Variants in CORO2A observed in about 807,000 individuals in gnomAD.
CORO2A encodes the protein coronin 2A.
CORO2A carries 47 observed loss-of-function variants against 62.4 expected under a neutral mutation model. The ratio of observed to expected loss-of-function variants is 0.75; its 90% CI spans 0.60 to 0.96. The LOEUF is 0.96. Ranked by LOEUF, CORO2A falls within the 40% of genes least tolerant of loss-of-function variation. CORO2A has a pLI of 0.00. For missense variants in CORO2A, 610 were observed against 684.1 expected (o/e 0.89, Z 1.21); for synonymous variants, 273 against 268.9 (o/e 1.02, Z -0.15).
intron 10 of CORO2A, 78 bp downstream of exon 10, chr9:98,128,092 C>G: frequency 8.5e-7 from 1 of 1,176,466 alleles, no homozygotes; most frequent in Non-Finnish European, 1.2e-6. Flanking sequence ...CAGGCCCAAC[C>G]CCTCTCAATT....
intron 2 of CORO2A, among the ~76,000 whole-genome samples, chr9:98,150,180 C>T (rs571472200): frequency 6.6e-6 from 1 of 152,220 alleles, no homozygotes; most frequent in East Asian, 1.9e-4. Context: ...ATCTGCCTGC[C>T]TCGGCTTCCC....
chr9:98,190,952 G>GC (rs1225543762), intron 1 of CORO2A, among the ~76,000 whole-genome samples: 1 of 152,234 alleles, frequency 6.6e-6, no homozygotes, highest in Non-Finnish European at 1.5e-5. Flanking sequence ...CACTACTTCA[G>GC]CCCTAGAATT....
In CORO2A at chr9:98,185,672, G is replaced by A. The variant is rs554957230; in HGVS notation, c.-1+6887C>T. Among the ~76,000 whole-genome samples the A allele has an allele frequency of 2.7e-4, 41 of 152,370 alleles. No homozygotes were observed. In the South Asian group the frequency reaches 4.1e-3, roughly 15 times the overall value. On this transcript the variant is annotated intron_variant, in intron 1 of 11. Coordinates refer to ENST00000375077, the MANE Select transcript of CORO2A (RefSeq NM_052820.4). ...GGGCCAACACCGTGGTGCAGCCTTA[G>A]GAACAGCCACAGGAGTTGCCCAGTT...
At chr9:98,161,114 C>T (rs1014330563) in intron 1 of CORO2A, among the ~76,000 whole-genome samples, 5 of 152,170 alleles carry the variant, frequency 3.3e-5, no homozygotes, top group African/African-American at 1.2e-4. Flanking sequence ...AGCGACCCAT[C>T]CTGATTCATA....
chr9:98,157,769 CAG>C (rs1827826990), intron 1 of CORO2A, 109 bp from the exon 2 acceptor site: 1 of 1,007,026 alleles, frequency 9.9e-7, no homozygotes, highest in African/African-American at 1.6e-5. Context: ...GGACAGTGGT[CAG>C]TTCAACGTGG....
chr9:98,130,204 C>T (rs1827385056), intron 7 of CORO2A, among the ~76,000 whole-genome samples: 1 of 152,186 alleles, frequency 6.6e-6, no homozygotes, highest in African/African-American at 2.4e-5. Context: ...CCTCAGCCTC[C>T]CGAGTAGGTG....
chr9:98,132,428 C>T (rs1827421886), intron 5 of CORO2A, 127 bp from the exon 6 acceptor site: 2 of 689,956 alleles, frequency 2.9e-6, no homozygotes, highest in Non-Finnish European at 5.1e-6. Flanking sequence ...CACCCCAGCT[C>T]TGCCTGGAGA....
chr9:98,149,548 T>C (rs1347537930), intron 2 of CORO2A, among the ~76,000 whole-genome samples: 1 of 152,200 alleles, frequency 6.6e-6, no homozygotes, highest in East Asian at 1.9e-4. Flanking sequence ...GCAGGGGAGC[T>C]TCCAATCATG....
intron 2 of CORO2A, 138 bp downstream of exon 2, chr9:98,157,322 A>C: frequency 1.3e-6 from 1 of 769,970 alleles, no homozygotes; most frequent in East Asian, 2.7e-5. Flanking sequence ...CAAGGCTCAA[A>C]GAGATGAAAT....
intron 2 of CORO2A, among the ~76,000 whole-genome samples, chr9:98,149,684 C>T (rs1827696835): frequency 6.6e-6 from 1 of 152,122 alleles, no homozygotes; most frequent in South Asian, 2.1e-4. Context: ...ATGAGCTGCC[C>T]CCATGACCCA....
intron 2 of CORO2A, 147 bp downstream of exon 2, chr9:98,157,313 A>T (rs1361067445): frequency 1.4e-6 from 1 of 736,642 alleles, no homozygotes; most frequent in East Asian, 2.8e-5. Flanking sequence ...TGAGGAAACC[A>T]AGGCTCAAAG....
chr9:98,140,768 C>T (rs1311741865), intron 2 of CORO2A, among the ~76,000 whole-genome samples: 1 of 152,108 alleles, frequency 6.6e-6, no homozygotes, highest in Non-Finnish European at 1.5e-5. Context: ...AGTAGCTCTG[C>T]AAACAGAGGA....
rs2231659 is a variant in CORO2A, at chr9:98,137,647, G to A, written c.243C>T (p.His81=). Residue 81 remains histidine (H), a synonymous_variant, in exon 3 of 12, where the codon CAC becomes CAT. Transcript: ENST00000375077. ...LDPHYPKVCG[H]RGNVLDVKWN... ...ACTTGACATCCAAAACGTTGCCTCT[G>A]TGCCCGCAGACTTTTGGGTAGTGGG... The A allele has an allele frequency of 8.1e-4, 1,311 of 1,614,248 alleles. 20 individuals are homozygous for A. In the East Asian group the frequency reaches 0.028, roughly 34 times the overall value.
Position 98,137,437 on chromosome 9 carries a change from A to C in CORO2A, c.318+135T>G, listed in dbSNP as rs367853436. 3 of 733,286 alleles carry C rather than the reference A, an allele frequency of 4.1e-6. No individual in the cohort carries two copies. In the East Asian group the frequency reaches 7.4e-5, roughly 18 times the overall value. The allele number at this position is 733,286 out of a possible 1,614,324, so 45.4% of individuals were successfully genotyped here. ...AATGTCTCCTCCTCTACCTTAACTTAACACCTCCCCACACAGTGACCTCAC... is the reference window on the plus strand; with the variant it reads ...AATGTCTCCTCCTCTACCTTAACTTCACACCTCCCCACACAGTGACCTCAC... On this transcript the variant is annotated intron_variant, in intron 3 of 11. Transcript: ENST00000375077.
At chr9:98,140,809 C>G (rs1381706619) in intron 2 of CORO2A, among the ~76,000 whole-genome samples, 2 of 152,172 alleles carry the variant, frequency 1.3e-5, no homozygotes, top group African/African-American at 4.8e-5. Context: ...TGGAAATACT[C>G]TGGCTAATCC....
chr9:98,173,914 C>T (rs1564217099), intron 1 of CORO2A, among the ~76,000 whole-genome samples: 1 of 152,004 alleles, frequency 6.6e-6, no homozygotes, highest in Non-Finnish European at 1.5e-5. Context: ...ATCGGGAGTT[C>T]GAGACTAGCC....
chr9:98,132,336 A>ACGTGCGGTCG, intron 5 of CORO2A, 35 bp from the exon 6 acceptor site: 1 of 1,575,646 alleles, frequency 6.3e-7, no homozygotes, highest in Non-Finnish European at 8.7e-7. Flanking sequence ...TTGGAGAGAC[A>ACGTGCGGTCG]GTAGAGGATC....
At chr9:98,128,411 G>C in intron 9 of CORO2A, 151 bp from the exon 10 acceptor site, 1 of 786,906 alleles carries the variant, frequency 1.3e-6, no homozygotes, top group Non-Finnish European at 2.1e-6. Flanking sequence ...CCGAGGTCAC[G>C]CAGCAGCTCA....
Position 98,133,026 on chromosome 9 carries a change from C to A in CORO2A, c.648+12G>T. ...CCTCTGAGCCTGAGCCAGCCCCTGG[C>A]CCAGAACTGACCTGGAGGACGGTCC... On this transcript the variant is annotated intron_variant, in intron 5 of 11. Coordinates refer to ENST00000375077, the MANE Select transcript of CORO2A (RefSeq NM_052820.4). 1 of 1,613,812 alleles carries A rather than the reference C, an allele frequency of 6.2e-7. No homozygotes were observed. Among genetic ancestry groups the A allele is most frequent in the Non-Finnish European group, 8.5e-7 (1 of 1,179,784 alleles).
Sources: gnomAD v4.1 joint callset for allele counts (sites outside exome capture counted in the v4.1 genomes callset) on GRCh38, gnomAD v4.1.1 for gene constraint, MANE v1.5 for transcripts, NCBI Gene and HGNC (gene_info 2026-07-23, HGNC 2026-07-21) for gene names.